The following NRG2 variants were observed in gnomAD, a reference collection of about 807,000 sequenced individuals.
The protein encoded by NRG2 is neuregulin 2.
In NRG2, 27 loss-of-function variants were observed where a neutral mutation model predicts 73.9. The observed-to-expected ratio is 0.37, with a 90% CI of 0.27 to 0.50. The LOEUF is 0.50. NRG2 is among the 20% of genes least tolerant of loss of function. NRG2 has a pLI of 0.96. For missense variants in NRG2, 1,126 were observed against 1,210.1 expected (o/e 0.93, Z 1.03); for synonymous variants, 532 against 541.0 (o/e 0.98, Z 0.23).
rs1473901977 is a variant in NRG2 at position 139,855,715 on chromosome 5, A to G, written c.1253T>C (p.Val418Ala). ...GGCCACCACACAGACGATGCCCACG[A>G]CCAGCAGAGCCACGCAGATGCCCGT... The part of the protein sequence containing the change: ...TITGICVALL[V>A]VGIVCVVAYC... The change falls in exon 6 of 10, where the codon GTC (valine) becomes GCC (alanine). Residue 418 changes from valine to alanine, a missense_variant. Val to Ala is a moderately conservative substitution (Grantham distance 64). Transcript: ENST00000361474. The G allele has an allele frequency of 6.2e-7, 1 of 1,614,006 alleles. No individual in the cohort carries two copies. The highest frequency in any genetic ancestry group is 2.2e-5 in the East Asian group (1 of 44,860).
intron 1 of NRG2, among the ~76,000 whole-genome samples, chr5:140,015,866 C>T (rs761432406): frequency 2.0e-5 from 3 of 152,188 alleles, no homozygotes; most frequent in Non-Finnish European, 2.9e-5. Context: ...TTAGCTGTTA[C>T]GTCAGGTTTC....
chr5:139,848,420 G>A lies in NRG2; in HGVS notation c.2050C>T (p.Pro684Ser), dbSNP rs924269243. The change falls in exon 10 of 10, where the codon CCC becomes TCC. Residue 684 changes from proline to serine, a missense_variant. This residue lies in a region of NRG2 where 402 missense variants were observed against 357.8 expected (regional missense o/e 1.12). Coordinates refer to ENST00000361474, the MANE Select transcript of NRG2 (RefSeq NM_004883.3). ...GCGCAGGTCCCGCGCCGCGGTCCGGGCCCCGCCGCGGGGTAATAGTAGCTG... is the reference window on the plus strand; with the variant it reads ...GCGCAGGTCCCGCGCCGCGGTCCGGACCCCGCCGCGGGGTAATAGTAGCTG... The part of the protein sequence containing the change: ...YDSYYYPAAG[P>S]GPRRGTCALG... 75 of 1,285,482 alleles carry A rather than the reference G, an allele frequency of 5.8e-5. No individual in the cohort carries two copies. The highest frequency in any genetic ancestry group is 6.7e-5 in the Non-Finnish European group (69 of 1,024,988). 79.6% of individuals were successfully genotyped at this position (1,285,482 alleles called of 1,614,324 possible).
At chr5:139,995,280 A>G (rs1757940018) in intron 1 of NRG2, among the ~76,000 whole-genome samples, 1 of 152,070 alleles carries the variant, frequency 6.6e-6, no homozygotes, top group Admixed American at 6.5e-5. Context: ...GAATTCTATC[A>G]CTCTTGTCTC....
At chr5:140,035,224 C>G (rs866537123) in intron 1 of NRG2, among the ~76,000 whole-genome samples, 1 of 152,142 alleles carries the variant, frequency 6.6e-6, no homozygotes, top group Non-Finnish European at 1.5e-5. Flanking sequence ...TCTCTATCCC[C>G]AAACTACTCT....
At chr5:140,002,215 G>C (rs1745816138) in intron 1 of NRG2, among the ~76,000 whole-genome samples, 1 of 152,082 alleles carries the variant, frequency 6.6e-6, no homozygotes, top group Admixed American at 6.5e-5. Flanking sequence ...ATAAATATTA[G>C]AGCTGTGACA....
In NRG2 at chr5:139,871,918, C is replaced by T. The variant is rs531319562; in HGVS notation, c.992-77G>A. On this transcript the variant is annotated intron_variant, in intron 3 of 9. Transcript: ENST00000361474. ...CCCAGGAATCATCTCCTTCATGCCCCACGTCAAAACTGGAAGATGACCAGA... is the reference window on the plus strand; with the variant it reads ...CCCAGGAATCATCTCCTTCATGCCCTACGTCAAAACTGGAAGATGACCAGA... 2.8e-5 allele frequency: 43 copies of T among 1,550,212 alleles called. No homozygotes were observed. In the South Asian group the frequency reaches 5.0e-4, roughly 18 times the overall value.
chr5:139,853,251 C>T lies in NRG2; in HGVS notation c.1293-224G>A, dbSNP rs1761583019. On this transcript the variant is annotated intron_variant, in intron 6 of 9. Transcript: ENST00000361474. This position sits in a 1 kb window ranked among gnomAD's most constrained non-coding sequence, Gnocchi z 4.1. ...TGGCTCTGCCCAGAGAGTAGAACTT[C>T]ACTGCTTTCTAGCTATGCAACCCCG... Among the ~76,000 whole-genome samples, 1 of 150,868 alleles carries T rather than the reference C, an allele frequency of 6.6e-6. No homozygotes were observed. Among genetic ancestry groups the T allele is most frequent in the Non-Finnish European group, 1.5e-5 (1 of 67,574 alleles).
intron 1 of NRG2, among the ~76,000 whole-genome samples, chr5:139,925,054 G>A (rs1259588051): frequency 6.6e-6 from 1 of 152,134 alleles, no homozygotes; most frequent in Non-Finnish European, 1.5e-5. Flanking sequence ...TGGGGAGGAG[G>A]AACAGGAGGA....
chr5:140,035,001 C>T (rs1236405861), intron 1 of NRG2, among the ~76,000 whole-genome samples: 1 of 152,190 alleles, frequency 6.6e-6, no homozygotes, highest in Admixed American at 6.5e-5. Flanking sequence ...GTGGGAAGAT[C>T]ACTTGAGCTC....
intron 9 of NRG2, among the ~76,000 whole-genome samples, chr5:139,849,806 G>T (rs1761288828): frequency 6.6e-6 from 1 of 152,076 alleles, no homozygotes; most frequent in Admixed American, 6.6e-5. Flanking sequence ...ACCCCATCCT[G>T]GGCCCGACTG....
At position 139,847,170 on chromosome 5, in the gene NRG2, G is replaced by A. The variant is rs1255923538; in HGVS notation, c.*747C>T. On this transcript the variant is annotated 3_prime_UTR_variant, in exon 10 of 10. Coordinates refer to ENST00000361474, the MANE Select transcript of NRG2 (RefSeq NM_004883.3). ...ACGACCTGTAAACGAAGGTGCTGCA[G>A]AGGACGGAGGGGCGTCCTGGAGGCT... is the stretch of plus-strand genomic sequence containing the variant. The A allele has an allele frequency of 6.6e-6, 1 of 152,276 alleles. No homozygotes were observed. The highest frequency in any genetic ancestry group is 2.4e-5 in the African/African-American group (1 of 41,444). The allele number at this position is 152,276 out of a possible 1,614,324, so 9.4% of individuals were successfully genotyped here. A position where few individuals can be genotyped will look rare whatever the true frequency, so the allele number is the denominator to read the frequency against.
At chr5:140,000,986 C>T (rs1758424962) in intron 1 of NRG2, among the ~76,000 whole-genome samples, 1 of 152,188 alleles carries the variant, frequency 6.6e-6, no homozygotes, top group African/African-American at 2.4e-5. Context: ...TTGATAGCCT[C>T]GTCTTCTGCC....
rs1367161856 is a variant in NRG2 at position 139,848,549 on chromosome 5, G to A, written c.1921C>T (p.Leu641=). Residue 641 remains leucine (L), a synonymous_variant, in exon 10 of 10, where the codon CTG becomes TTG. Transcript: ENST00000361474. The part of the protein sequence containing the change: ...LPPAAPISYR[L]AEQQPLLRHP... The stretch of plus-strand genomic sequence containing the variant: ...CGCAGTAACGGCTGCTGCTCGGCCA[G>A]GCGGTAACTGATGGGCGCCGCCGGC... 3 of 1,530,308 alleles carry A rather than the reference G, an allele frequency of 2.0e-6. No homozygotes were observed. The highest frequency in any genetic ancestry group is 1.2e-5 in the South Asian group (1 of 83,188). 94.8% of individuals were successfully genotyped at this position (1,530,308 alleles called of 1,614,324 possible).
chr5:139,935,489 A>C (rs1447070800), intron 1 of NRG2, among the ~76,000 whole-genome samples: 5 of 152,238 alleles, frequency 3.3e-5, no homozygotes, highest in Non-Finnish European at 7.3e-5. Flanking sequence ...AATAAATTCT[A>C]AAAGATTCAA....
chr5:140,030,625 A>C (rs1434709259), intron 1 of NRG2, among the ~76,000 whole-genome samples: 6 of 152,264 alleles, frequency 3.9e-5, no homozygotes, highest in Non-Finnish European at 7.3e-5. Flanking sequence ...TAATTTACAC[A>C]GTAAGAAACA....
intron 1 of NRG2, among the ~76,000 whole-genome samples, chr5:139,952,015 G>T (rs920601636): frequency 1.3e-5 from 2 of 152,220 alleles, no homozygotes; most frequent in Non-Finnish European, 2.9e-5. Flanking sequence ...TTCTGGCTCT[G>T]CCTCTTCCTA....
At chr5:139,928,907 G>A (rs575535973) in intron 1 of NRG2, among the ~76,000 whole-genome samples, 5 of 152,224 alleles carry the variant, frequency 3.3e-5, no homozygotes, top group East Asian at 3.9e-4. Context: ...CCCAATGTTC[G>A]TCTAACACAT....
chr5:140,037,808 T>G (rs974002778), intron 1 of NRG2, among the ~76,000 whole-genome samples: 2 of 148,408 alleles, frequency 1.3e-5, no homozygotes, highest in African/African-American at 5.0e-5. Context: ...CTCAGGAGGC[T>G]GAGGCAGGAG....
intron 3 of NRG2, among the ~76,000 whole-genome samples, chr5:139,877,118 C>T (rs1763233425): frequency 6.6e-6 from 1 of 152,176 alleles, no homozygotes. Flanking sequence ...CAGGACATTC[C>T]CAAACTCCCT....
Sources: allele counts gnomAD v4.1 joint callset (sites outside exome capture counted in the v4.1 genomes callset), GRCh38; gene constraint gnomAD v4.1.1; regional missense constraint gnomAD v4.1.1; non-coding constraint Gnocchi (gnomAD v3.1); transcripts MANE v1.5; gene names NCBI Gene and HGNC (gene_info 2026-07-23, HGNC 2026-07-21).